Variants in FOXP2 observed in about 807,000 individuals in gnomAD.
FOXP2 encodes the protein forkhead box protein P2.
FOXP2 carries 12 observed loss-of-function variants against 115.8 expected under a neutral mutation model. The observed-to-expected ratio is 0.10, with a 90% CI of 0.07 to 0.17. The LOEUF is 0.17. Among genes scored for constraint, FOXP2 ranks in the 10% least tolerant of loss-of-function variants. The probability of loss-of-function intolerance (pLI) is 1.00; values close to 1 mark genes in which losing one functional copy is unlikely to be tolerated. For synonymous variants in FOXP2, 328 were observed against 297.7 expected, an observed-to-expected ratio of 1.10 and a Z score of -1.05; for missense variants, 629 against 843.5, an observed-to-expected ratio of 0.75 and a Z score of 3.15.
rs142750387 is a variant in FOXP2 at position 114,436,176 on chromosome 7, T to C, written c.168+9497T>C. On this transcript the variant is annotated intron_variant, in intron 2 of 16. Transcript: ENST00000350908. Reference sequence around the variant, plus strand: ...ACCCAGGATTCATTTTCTTTATGAATTGGAGGTAAAAATAATTAATATAAT... The same window carrying C: ...ACCCAGGATTCATTTTCTTTATGAACTGGAGGTAAAAATAATTAATATAAT... 5.8e-3 allele frequency among the ~76,000 whole-genome samples: 884 copies of C among 152,158 alleles called. 5 individuals are homozygous for C. Among genetic ancestry groups the C allele is most frequent in the African/African-American group, 0.02 (844 of 41,538 alleles).
chr7:114,211,992 G>A lies in FOXP2; in HGVS notation c.-102+48904G>A, dbSNP rs1330237018. 2.6e-5 allele frequency among the ~76,000 whole-genome samples: 4 copies of A among 152,068 alleles called. No homozygotes were observed. In the East Asian group the frequency reaches 5.8e-4, roughly 22 times the overall value. On this transcript the variant is annotated intron_variant, in intron 1 of 17. Transcript: ENST00000634411. ...GGAGGCTGAGGCAGGAGAATCACTT[G>A]AACCCAGGAGGCGGGGGTTGCAGTG...
chr7:114,493,685 C>G (rs974509573), intron 2 of FOXP2, among the ~76,000 whole-genome samples: 1 of 152,030 alleles, frequency 6.6e-6, no homozygotes, highest in Non-Finnish European at 1.5e-5. Flanking sequence ...CTCATTCTGT[C>G]TCTCTCACAT....
intron 2 of FOXP2, among the ~76,000 whole-genome samples, chr7:114,362,685 G>T (rs773700339): frequency 6.6e-6 from 1 of 151,980 alleles, no homozygotes; most frequent in African/African-American, 2.4e-5. Context: ...AGAAGTGGTG[G>T]CATTAATAGA....
intron 1 of FOXP2, among the ~76,000 whole-genome samples, chr7:114,176,096 A>T (rs1301452860): frequency 6.6e-6 from 1 of 152,112 alleles, no homozygotes; most frequent in Non-Finnish European, 1.5e-5. Flanking sequence ...GCATCATATC[A>T]AATCTACCTC....
intron 1 of FOXP2, among the ~76,000 whole-genome samples, chr7:114,267,020 G>GA (rs955520712): frequency 1.3e-5 from 2 of 151,742 alleles, no homozygotes; most frequent in East Asian, 1.9e-4. Flanking sequence ...TGGAAGGAGG[G>GA]AAAAAAACAA....
chr7:114,451,350 A>G (rs530921445), intron 2 of FOXP2, among the ~76,000 whole-genome samples: 75 of 152,136 alleles, frequency 4.9e-4, no homozygotes, highest in Middle Eastern at 3.4e-3. Context: ...GCTTTAACCA[A>G]TCATCAGCTG....
chr7:114,157,367 G>A (rs1271871858), intron 1 of FOXP2, among the ~76,000 whole-genome samples: 1 of 152,060 alleles, frequency 6.6e-6, no homozygotes, highest in Non-Finnish European at 1.5e-5. Flanking sequence ...ATTTCATGGA[G>A]TTAATGGTAA....
At chr7:114,465,867 A>G (rs971064068) in intron 2 of FOXP2, among the ~76,000 whole-genome samples, 5 of 152,084 alleles carry the variant, frequency 3.3e-5, no homozygotes, top group Admixed American at 2.0e-4. Flanking sequence ...CCTGATGGCA[A>G]TGTTGGAAGA....
chr7:114,455,267 A>G (rs1795262486), intron 2 of FOXP2, among the ~76,000 whole-genome samples: 1 of 152,216 alleles, frequency 6.6e-6, no homozygotes, highest in Admixed American at 6.5e-5. Flanking sequence ...CCATTTAACT[A>G]ATGAAGCCAA....
chr7:114,558,359 G>T (rs2129289916), intron 3 of FOXP2, among the ~76,000 whole-genome samples: 1 of 152,250 alleles, frequency 6.6e-6, no homozygotes, highest in Non-Finnish European at 1.5e-5. Flanking sequence ...AGATATGTCA[G>T]AAATCTTTTT....
intron 2 of FOXP2, among the ~76,000 whole-genome samples, chr7:114,399,465 C>T (rs1476239894): frequency 6.6e-6 from 1 of 152,062 alleles, no homozygotes; most frequent in South Asian, 2.1e-4. Context: ...ACAAGAATTC[C>T]TGATATATTC....
At chr7:114,465,669 T>C (rs1795768988) in intron 2 of FOXP2, among the ~76,000 whole-genome samples, 1 of 152,202 alleles carries the variant, frequency 6.6e-6, no homozygotes, top group South Asian at 2.1e-4. Flanking sequence ...TTGAGCAATT[T>C]CAGATAGCCC....
intron 1 of FOXP2, among the ~76,000 whole-genome samples, chr7:114,149,457 G>A (rs1394400120): frequency 1.3e-5 from 2 of 152,060 alleles, no homozygotes; most frequent in African/African-American, 4.8e-5. Context: ...ATGACCTTGT[G>A]AGAGGTAGAA....
intron 2 of FOXP2, among the ~76,000 whole-genome samples, chr7:114,502,756 A>G (rs925856451): frequency 6.6e-6 from 1 of 152,048 alleles, no homozygotes; most frequent in Non-Finnish European, 1.5e-5. Context: ...GATATAAATG[A>G]CTGAATTCAT....
intron 2 of FOXP2, among the ~76,000 whole-genome samples, chr7:114,373,623 C>T (rs899877803): frequency 2.0e-5 from 3 of 152,178 alleles, no homozygotes; most frequent in African/African-American, 7.2e-5. Context: ...CTGGTATGCT[C>T]CAATCAATAT....
At chr7:114,330,789 T>C (rs1283978286) in intron 2 of FOXP2, among the ~76,000 whole-genome samples, 3 of 152,020 alleles carry the variant, frequency 2.0e-5, no homozygotes, top group Non-Finnish European at 4.4e-5. Context: ...AATCCGACAA[T>C]AATATCTGTT....
At chr7:114,193,795 T>C (rs1373267185) in intron 1 of FOXP2, among the ~76,000 whole-genome samples, 1 of 152,142 alleles carries the variant, frequency 6.6e-6, no homozygotes, top group African/African-American at 2.4e-5. Flanking sequence ...GTACATCTTT[T>C]ATTTCACCAC....
At chr7:114,316,538 C>G (rs905759849) in intron 2 of FOXP2, among the ~76,000 whole-genome samples, 2 of 152,102 alleles carry the variant, frequency 1.3e-5, no homozygotes, top group Admixed American at 1.3e-4. Flanking sequence ...GAGAAAAATA[C>G]AGACTGACAT....
At chr7:114,485,984 C>A (rs1796755673) in intron 2 of FOXP2, among the ~76,000 whole-genome samples, 1 of 152,138 alleles carries the variant, frequency 6.6e-6, no homozygotes, top group Non-Finnish European at 1.5e-5. Flanking sequence ...GGAGTCAATA[C>A]TACTACAATA....
Sources: gnomAD v4.1 joint callset for allele counts (sites outside exome capture counted in the v4.1 genomes callset) on GRCh38, gnomAD v4.1.1 for gene constraint, MANE v1.5 for transcripts, NCBI Gene and HGNC (gene_info 2026-07-23, HGNC 2026-07-21) for gene names.